The following MMUT variants were observed in gnomAD, a reference collection of about 807,000 sequenced individuals.
MMUT encodes the protein methylmalonyl-CoA mutase, mitochondrial.
In MMUT, 79 loss-of-function variants were observed where a neutral mutation model predicts 79.9. The observed-to-expected ratio is 0.99, with a 90% confidence interval of 0.82 to 1.19. The LOEUF (loss-of-function observed/expected upper bound fraction) is 1.19. MMUT is among the 50% of genes most tolerant of loss of function. The probability of loss-of-function intolerance (pLI) is 0.00; values close to 1 mark genes in which losing one functional copy is unlikely to be tolerated. For missense variants in MMUT, 860 were observed against 917.2 expected, an observed-to-expected ratio of 0.94 and a Z score of 0.81; for synonymous variants, 273 against 295.7, an observed-to-expected ratio of 0.92 and a Z score of 0.79.
chr6:49,457,733 T>C lies in MMUT; in HGVS notation c.711A>G (p.Pro237=), dbSNP rs138085432. The change falls in exon 3 of 13, where the codon CCA becomes CCG. Residue 237 remains proline (P), a synonymous_variant. Transcript: ENST00000274813. Reference sequence around the variant, plus strand: ...ATATGTCAGCAATAATTTTCATGGATGGTTCTGGAGGAAAAATGTATGTAT... The same window carrying C: ...ATATGTCAGCAATAATTTTCATGGACGGTTCTGGAGGAAAAATGTATGTAT... ...VRNTYIFPPE[P]SMKIIADIFE... 0.014 allele frequency: 22,804 copies of C among 1,612,272 alleles called. 241 individuals carry two copies. The highest frequency in any genetic ancestry group is 0.032 in the South Asian group (2,927 of 90,720).
Position 49,431,660 on chromosome 6 carries a change from G to A in MMUT, c.*68C>T. 2 of 1,518,194 alleles carry A rather than the reference G, an allele frequency of 1.3e-6. No individual in the cohort carries two copies. The highest frequency in any genetic ancestry group is 1.8e-6 in the Non-Finnish European group (2 of 1,097,704). 94.0% of individuals were successfully genotyped at this position (1,518,194 alleles called of 1,614,324 possible). ...GTATTGAAATTAAATTGAAGACATA[G>A]CTTTACTCTCTTCTTTGATCATAAC... On this transcript the variant is annotated 3_prime_UTR_variant, in exon 13 of 13. Coordinates refer to ENST00000274813, the MANE Select transcript of MMUT (RefSeq NM_000255.4).
At position 49,441,955 on chromosome 6, in the gene MMUT, T is replaced by C; in HGVS notation, c.1693A>G (p.Ile565Val). Residue 565 changes from isoleucine to valine, a missense_variant, in exon 10 of 13, where the codon ATC becomes GTC. By Grantham distance (29) the Ile-to-Val change is conservative. Transcript: ENST00000274813. ...ASRARCTVGE[I>V]TDALKKVFGE... Reference sequence around the variant, plus strand: ...AATACCTTTTTCAGGGCATCTGTGATTTCTCCCACTGTACATCTGAAACAT... The same window carrying C: ...AATACCTTTTTCAGGGCATCTGTGACTTCTCCCACTGTACATCTGAAACAT... The C allele has an allele frequency of 5.6e-6, 9 of 1,611,036 alleles. No homozygotes were observed. Among genetic ancestry groups the C allele is most frequent in the Non-Finnish European group, 7.6e-6 (9 of 1,177,676 alleles).
chr6:49,450,735 T>C (rs1357706335), intron 6 of MMUT, among the ~76,000 whole-genome samples: 1 of 152,166 alleles, frequency 6.6e-6, no homozygotes, highest in Non-Finnish European at 1.5e-5. Context: ...CCATGCACCA[T>C]TTTTAGCAGG....
Position 49,440,209 on chromosome 6 carries a change from G to A in MMUT, c.1953C>T (p.Phe651=). 1.2e-6 allele frequency: 2 copies of A among 1,613,986 alleles called. No individual in the cohort carries two copies. The highest frequency in any genetic ancestry group is 1.7e-6 in the Non-Finnish European group (2 of 1,179,924). Reference sequence around the variant, plus strand: ...TCCCCCCAACAGTTTTTAGTACCTGGAAAAGAGGGCCTATGTCCACATCAA... The same window carrying A: ...TCCCCCCAACAGTTTTTAGTACCTGAAAAAGAGGGCCTATGTCCACATCAA... The part of the protein sequence containing the change: ...LGFDVDIGPL[F]QTPREVAQQA... Residue 651 remains phenylalanine (F), a synonymous_variant, in exon 11 of 13, where the codon TTC becomes TTT. Transcript: ENST00000274813.
Position 49,457,697 on chromosome 6 carries a change from T to C in MMUT, c.747A>G (p.Thr249=). 6.2e-7 allele frequency: 1 copy of C among 1,610,324 alleles called. No homozygotes were observed. Among genetic ancestry groups the C allele is most frequent in the Non-Finnish European group, 8.5e-7 (1 of 1,178,622 alleles). Reference sequence around the variant, plus strand: ...TAATAACCACAAAGTATACCTTTGCTGTATATTCAAATATGTCAGCAATAA... The same window carrying C: ...TAATAACCACAAAGTATACCTTTGCCGTATATTCAAATATGTCAGCAATAA... The part of the protein sequence containing the change: ...MKIIADIFEY[T]AKHMPKFNSI... The change falls in exon 3 of 13, where the codon ACA becomes ACG. Residue 249 remains threonine, a synonymous_variant. Transcript: ENST00000274813.
At position 49,430,544 on chromosome 6, in the gene MMUT, A is replaced by G. The variant is rs745494100; in HGVS notation, c.*1184T>C. ...TCTGAAAATGGGAACAATAATCATG[A>G]CAATACCATTCAGATAATCATATTC... On this transcript the variant is annotated 3_prime_UTR_variant, in exon 13 of 13. Transcript: ENST00000274813. The G allele has an allele frequency of 7.9e-5, 12 of 152,238 alleles. No individual in the cohort carries two copies. Among genetic ancestry groups the G allele is most frequent in the Non-Finnish European group, 1.5e-4 (10 of 68,044 alleles). The allele number at this position is 152,238 out of a possible 1,614,324, so 9.4% of individuals were successfully genotyped here.
intron 8 of MMUT, 32 bp downstream of exon 8, chr6:49,447,638 T>G: frequency 9.3e-7 from 1 of 1,074,678 alleles, no homozygotes; most frequent in Admixed American, 1.9e-5. Context: ...AGAAAATACT[T>G]AAAAAAAAAA....
At position 49,431,152 on chromosome 6, in the gene MMUT, C is replaced by T. The variant is rs1358464443; in HGVS notation, c.*576G>A. The T allele has an allele frequency of 6.6e-6, 1 of 152,330 alleles. No individual in the cohort carries two copies. The highest frequency in any genetic ancestry group is 6.5e-5 in the Admixed American group (1 of 15,270). 9.4% of individuals were successfully genotyped at this position (152,330 alleles called of 1,614,324 possible). ...GTAAACTCAGACTTGAAGAAATATA[C>T]TGTCAAATTCCCCATATTCCAACCT... On this transcript the variant is annotated 3_prime_UTR_variant, in exon 13 of 13. Transcript: ENST00000274813.
At chr6:49,458,197 G>A (rs971339581) in intron 2 of MMUT, 139 bp from the exon 3 acceptor site, 5 of 835,502 alleles carry the variant, frequency 6.0e-6, no homozygotes, top group African/African-American at 5.2e-5. Context: ...GCTCATACAT[G>A]TCAAAACCAA....
rs371238492 is a variant in MMUT, at chr6:49,457,678, C to T, written c.753+13G>A. The T allele has an allele frequency of 2.7e-5, 44 of 1,603,864 alleles. No individual in the cohort carries two copies. The African/African-American group carries it at 5.5e-4, about 20-fold the overall frequency. On this transcript the variant is annotated intron_variant, in intron 3 of 12. Coordinates refer to ENST00000274813, the MANE Select transcript of MMUT (RefSeq NM_000255.4). ...GGAACTATAGAAAAACCTATAATAA[C>T]CACAAAGTATACCTTTGCTGTATAT...
chr6:49,451,255 T>A (rs1767543173), intron 6 of MMUT, among the ~76,000 whole-genome samples: 1 of 152,190 alleles, frequency 6.6e-6, no homozygotes, highest in South Asian at 2.1e-4. Flanking sequence ...AATACTTTAA[T>A]AGAAATGTAT....
chr6:49,435,652 A>G (rs1011527979), intron 11 of MMUT, 29 bp from the exon 12 acceptor site: 3 of 1,601,684 alleles, frequency 1.9e-6, no homozygotes, highest in African/African-American at 1.3e-5. Flanking sequence ...AAGATAAATC[A>G]TTGTTTATTA....
intron 7 of MMUT, among the ~76,000 whole-genome samples, chr6:49,448,452 G>C (rs1293233998): frequency 6.6e-6 from 1 of 151,968 alleles, no homozygotes; most frequent in Non-Finnish European, 1.5e-5. Flanking sequence ...TGTATGCCCA[G>C]ACATAGCAAG....
At position 49,430,742 on chromosome 6, in the gene MMUT, C is replaced by T. The variant is rs886061552; in HGVS notation, c.*986G>A. The T allele has an allele frequency of 2.2e-4, 33 of 152,082 alleles. No homozygotes were observed. The highest frequency in any genetic ancestry group is 7.7e-4 in the East Asian group (4 of 5,176). 9.4% of individuals were successfully genotyped at this position (152,082 alleles called of 1,614,324 possible). ...ATGTTAACAATAAAGGACAACTTTCCTTTTTTATTTAAACTTTTTTTATTT... is the reference window on the plus strand; with the variant it reads ...ATGTTAACAATAAAGGACAACTTTCTTTTTTTATTTAAACTTTTTTTATTT... On this transcript the variant is annotated 3_prime_UTR_variant, in exon 13 of 13. Coordinates refer to ENST00000274813, the MANE Select transcript of MMUT (RefSeq NM_000255.4).
chr6:49,451,463 T>A lies in MMUT; in HGVS notation c.1332+3A>T. On this transcript the variant is annotated splice_donor_region_variant and intron_variant, in intron 6 of 12. Coordinates refer to ENST00000274813, the MANE Select transcript of MMUT (RefSeq NM_000255.4). The stretch of plus-strand genomic sequence containing the variant: ...AACAAAGTTGCAAAGTGGAAAAACT[T>A]ACCTTTAAAGCAGCATCATAAACAT... 1 of 1,613,868 alleles carries A rather than the reference T, an allele frequency of 6.2e-7. No homozygotes were observed. Among genetic ancestry groups the A allele is most frequent in the South Asian group, 1.1e-5 (1 of 91,032 alleles).
chr6:49,450,207 G>A (rs1291302436), intron 6 of MMUT, among the ~76,000 whole-genome samples: 1 of 149,708 alleles, frequency 6.7e-6, no homozygotes, highest in East Asian at 2.0e-4. Flanking sequence ...CTCCAGCCTG[G>A]TGACAGAGTA....
intron 12 of MMUT, among the ~76,000 whole-genome samples, chr6:49,432,539 C>T (rs1198891515): frequency 6.6e-6 from 1 of 152,122 alleles, no homozygotes; most frequent in Non-Finnish European, 1.5e-5. Flanking sequence ...AGGCGCCCGC[C>T]ACCATGCCCG....
intron 5 of MMUT, 131 bp from the exon 6 acceptor site, chr6:49,451,845 G>A: frequency 1.9e-6 from 2 of 1,047,284 alleles, no homozygotes; most frequent in Non-Finnish European, 2.8e-6. Context: ...CTTCAGAATA[G>A]CAAATAAATT....
chr6:49,446,358 A>G (rs1767410032), intron 8 of MMUT, among the ~76,000 whole-genome samples: 1 of 151,988 alleles, frequency 6.6e-6, no homozygotes, highest in African/African-American at 2.4e-5. Flanking sequence ...CTATAAAAAT[A>G]TCTGATTCTA....
Sources: allele counts gnomAD v4.1 joint callset (sites outside exome capture counted in the v4.1 genomes callset), GRCh38; gene constraint gnomAD v4.1.1; transcripts MANE v1.5; gene names NCBI Gene and HGNC (gene_info 2026-07-23, HGNC 2026-07-21).